VPS26C: variants seen among roughly 807,000 people sequenced by gnomAD.
The protein encoded by VPS26C is VPS26 endosomal protein sorting factor C, also known as vacuolar protein sorting-associated protein 26C.
In VPS26C, 19 loss-of-function variants were observed where a neutral mutation model predicts 30.6. The observed-to-expected ratio is 0.62, with a 90% CI of 0.43 to 0.91. VPS26C has a LOEUF of 0.91. Ranked by LOEUF, VPS26C falls within the 40% of genes least tolerant of loss-of-function variation. The pLI, the probability that VPS26C is intolerant of heterozygous loss-of-function variation, is 0.00. For synonymous variants in VPS26C, 132 were observed against 151.5 expected, an observed-to-expected ratio of 0.87 and a Z score of 0.95; for missense variants, 318 against 385.1, an observed-to-expected ratio of 0.83 and a Z score of 1.46.
chr21:37,263,953 T>C (rs1401547067), intron 1 of VPS26C, among the ~76,000 whole-genome samples: 1 of 152,064 alleles, frequency 6.6e-6, no homozygotes, highest in Non-Finnish European at 1.5e-5. Context: ...AGATGTGACA[T>C]ATGCACTGTC....
chr21:37,266,668 C>T (rs1185717533), intron 1 of VPS26C: 1 of 152,960 alleles, frequency 6.5e-6, no homozygotes, highest in Non-Finnish European at 1.5e-5. Context: ...TTTATACTTG[C>T]ATTTTAATAG....
chr21:37,225,514 C>G lies in VPS26C; in HGVS notation c.*30G>C. The G allele has an allele frequency of 6.2e-7, 1 of 1,600,298 alleles. No homozygotes were observed. Among genetic ancestry groups the G allele is most frequent in the Non-Finnish European group, 8.6e-7 (1 of 1,167,438 alleles). ...AACCAGCTGGATTTCCAGATGGCCA[C>G]TCCCGTTCTCTATGCTTCCCTCCTC... On this transcript the variant is annotated 3_prime_UTR_variant, in exon 8 of 8. Coordinates refer to ENST00000309117, the MANE Select transcript of VPS26C (RefSeq NM_006052.2).
In VPS26C at chr21:37,238,545, G is replaced by A; in HGVS notation, c.266C>T (p.Thr89Ile). ...CAGAGGAAATTCAAAAGGGATTTCT[G>A]TTTTGCCGCTGGGAAATTTCCCCGG... ...VKPGKFPSGK[T>I]EIPFEFPLHL... is the part of the protein sequence containing the mutation. Residue 89 changes from threonine to isoleucine, a missense_variant, in exon 3 of 8, where the codon ACA (threonine) becomes ATA (isoleucine). By Grantham distance (89) the Thr-to-Ile change is moderately conservative (BLOSUM62 -1). Transcript: ENST00000309117. 1 of 1,614,180 alleles carries A rather than the reference G, an allele frequency of 6.2e-7. No individual in the cohort carries two copies. Among genetic ancestry groups the A allele is most frequent in the Non-Finnish European group, 8.5e-7 (1 of 1,180,038 alleles).
chr21:37,260,457 G>A (rs1410716961), intron 1 of VPS26C, among the ~76,000 whole-genome samples: 1 of 152,208 alleles, frequency 6.6e-6, no homozygotes, highest in East Asian at 1.9e-4. Flanking sequence ...CAAGGCAGGA[G>A]GATTGCTTGA....
rs2086368595 is a variant in VPS26C at position 37,266,910 on chromosome 21, G to A, written c.57+328C>T. On this transcript the variant is annotated intron_variant, in intron 1 of 7. Coordinates refer to ENST00000309117, the MANE Select transcript of VPS26C (RefSeq NM_006052.2). The stretch of plus-strand genomic sequence containing the variant: ...CCTCCGCCCTCAGCGCTCACTGAGG[G>A]AGCTCAAGCCTGAGAACCCAACACC... The A allele has an allele frequency of 9.5e-6, 4 of 423,106 alleles. No homozygotes were observed. The South Asian group carries it at 1.0e-4, about 11-fold the overall frequency. The allele number at this position is 423,106 out of a possible 1,614,324, so 26.2% of individuals were successfully genotyped here. A position where few individuals can be genotyped will look rare whatever the true frequency, so the allele number is the denominator to read the frequency against.
intron 3 of VPS26C, among the ~76,000 whole-genome samples, chr21:37,235,866 TATATATATA>T (rs1443202384): frequency 2.3e-4 from 24 of 104,346 alleles, no homozygotes; most frequent in African/African-American, 7.9e-4. Context: ...TATATATATA[TATATATATA>T]TATATTTTTT....
intron 1 of VPS26C, among the ~76,000 whole-genome samples, chr21:37,259,090 T>G (rs2086277690): frequency 6.6e-6 from 1 of 152,146 alleles, no homozygotes; most frequent in Non-Finnish European, 1.5e-5. Flanking sequence ...CCTTAAGATC[T>G]CTTCTGGCTC....
At chr21:37,263,772 C>T (rs2086329080) in intron 1 of VPS26C, among the ~76,000 whole-genome samples, 1 of 152,188 alleles carries the variant, frequency 6.6e-6, no homozygotes, top group Non-Finnish European at 1.5e-5. Context: ...AGGCATGGTG[C>T]TCTGGCAGGT....
chr21:37,259,113 T>G (rs557195399), intron 1 of VPS26C, among the ~76,000 whole-genome samples: 1 of 152,280 alleles, frequency 6.6e-6, no homozygotes, highest in Admixed American at 6.5e-5. Flanking sequence ...AGATTTAAAT[T>G]TTTATACCCT....
At chr21:37,250,783 C>T (rs1392356271) in intron 1 of VPS26C, among the ~76,000 whole-genome samples, 2 of 151,296 alleles carry the variant, frequency 1.3e-5, no homozygotes, top group Non-Finnish European at 2.9e-5. Flanking sequence ...GCCTGTAATC[C>T]CAGCTACTCG....
chr21:37,227,902 C>T, intron 6 of VPS26C, 96 bp from the exon 7 acceptor site: 1 of 1,497,356 alleles, frequency 6.7e-7, no homozygotes, highest in Non-Finnish European at 9.1e-7. Context: ...TCCAAGAATC[C>T]TCCAGGGTCC....
At chr21:37,258,144 G>A (rs1261792929) in intron 1 of VPS26C, among the ~76,000 whole-genome samples, 1 of 152,250 alleles carries the variant, frequency 6.6e-6, no homozygotes, top group African/African-American at 2.4e-5. Context: ...CCCGTTCTAG[G>A]AAAACGTTGC....
chr21:37,223,962 G>A lies in VPS26C; in HGVS notation c.*1582C>T, dbSNP rs969894274. On this transcript the variant is annotated 3_prime_UTR_variant, in exon 8 of 8. Transcript: ENST00000309117. The stretch of plus-strand genomic sequence containing the variant: ...AAAACAGTGGCAGGATTTGAAGGAA[G>A]AAATGTATTGCAATAGTCCATATCC... 2 of 152,254 alleles carry A rather than the reference G, an allele frequency of 1.3e-5. No homozygotes were observed. Among genetic ancestry groups the A allele is most frequent in the Non-Finnish European group, 2.9e-5 (2 of 68,062 alleles). 9.4% of individuals were successfully genotyped at this position (152,254 alleles called of 1,614,324 possible).
rs2085899360 is a variant in VPS26C, at chr21:37,226,346, T to G, written c.812-720A>C. 1 of 152,242 alleles carries G rather than the reference T, an allele frequency of 6.6e-6. No individual in the cohort carries two copies. The highest frequency in any genetic ancestry group is 6.5e-5 in the Admixed American group (1 of 15,282). 9.4% of individuals were successfully genotyped at this position (152,242 alleles called of 1,614,324 possible). A position where few individuals can be genotyped will look rare whatever the true frequency, so the allele number is the denominator to read the frequency against. ...CTCAGCTGTGGAAGGGGCCTTGGAG[T>G]CAGTGCCCACCTGTGGCTGGGGTCT... On this transcript the variant is annotated intron_variant, in intron 7 of 7. Transcript: ENST00000309117. The surrounding 1 kb of genome is among the most constrained non-coding windows in gnomAD (Gnocchi z 4.1).
intron 5 of VPS26C, among the ~76,000 whole-genome samples, chr21:37,231,284 C>G (rs1569231843): frequency 6.6e-6 from 1 of 152,218 alleles, no homozygotes; most frequent in Non-Finnish European, 1.5e-5. Flanking sequence ...AGATGAAAGG[C>G]CACTGCGTCC....
intron 1 of VPS26C, among the ~76,000 whole-genome samples, chr21:37,263,625 G>A (rs1421271544): frequency 6.6e-6 from 1 of 152,172 alleles, no homozygotes; most frequent in African/African-American, 2.4e-5. Context: ...TGGAACATAA[G>A]CTTGCCTTAT....
At chr21:37,227,009 T>A (rs2085906781) in intron 7 of VPS26C, 1 of 152,250 alleles carries the variant, frequency 6.6e-6, no homozygotes, top group Non-Finnish European at 1.5e-5. Context: ...GATACAATGT[T>A]AAGGGAAAAA....
chr21:37,229,326 C>T (rs1475783398), intron 5 of VPS26C: 1 of 152,190 alleles, frequency 6.6e-6, no homozygotes, highest in Admixed American at 6.5e-5. Context: ...AACAAAATCT[C>T]ATGTTTTAAG....
Position 37,228,317 on chromosome 21 carries a change from GAC to G in VPS26C, c.562_563del (p.Val188HisfsTer68). 1 of 1,614,242 alleles carries G rather than the reference GAC, an allele frequency of 6.2e-7. No individual in the cohort carries two copies. Among genetic ancestry groups the G allele is most frequent in the South Asian group, 1.1e-5 (1 of 91,084 alleles). On this transcript the variant is annotated frameshift_variant, in exon 6 of 8. Transcript: ENST00000309117. LOFTEE classifies it high-confidence loss of function. ...LRGHLNSTNCVITQPLTGELV... is the reference protein window; with the variant it reads ...LRGHLNSTNCXITQPLTGELV... The stretch of plus-strand genomic sequence containing the variant: ...GCTCTCCCGTTAGTGGCTGCGTGAT[GAC>G]ACAGTTTGTTGAGTTGAGATGTCCT...
Sources: gnomAD v4.1 joint callset for allele counts (sites outside exome capture counted in the v4.1 genomes callset) on GRCh38, gnomAD v4.1.1 for gene constraint, Gnocchi (gnomAD v3.1) non-coding constraint, MANE v1.5 for transcripts, NCBI Gene and HGNC (gene_info 2026-07-23, HGNC 2026-07-21) for gene names.